Variants in ZNF827 observed in about 807,000 individuals in gnomAD.
ZNF827 encodes zinc finger protein 827.
Under a neutral mutation model 102.4 loss-of-function variants are expected in ZNF827, and 13 were observed. The observed-to-expected ratio is 0.13, with a 90% CI of 0.08 to 0.20. ZNF827 has a LOEUF of 0.20. Among genes scored for constraint, ZNF827 ranks in the 10% least tolerant of loss-of-function variants. The probability of loss-of-function intolerance (pLI) is 1.00; values close to 1 mark genes in which losing one functional copy is unlikely to be tolerated. For synonymous variants in ZNF827, 523 were observed against 536.2 expected (o/e 0.98, Z 0.34); for missense variants, 1,103 against 1,344.4 (o/e 0.82, Z 2.81).
chr4:145,761,633 G>A lies in ZNF827; in HGVS notation c.*18-35C>T, dbSNP rs1290789665. 11 of 1,198,738 alleles carry A rather than the reference G, an allele frequency of 9.2e-6. No individual in the cohort carries two copies. The highest frequency in any genetic ancestry group is 1.4e-5 in the South Asian group (1 of 70,400). The allele number at this position is 1,198,738 out of a possible 1,614,324, so 74.3% of individuals were successfully genotyped here. On this transcript the variant is annotated intron_variant, in intron 14 of 14. Transcript: ENST00000508784. The surrounding 1 kb of genome is among the most constrained non-coding windows in gnomAD (Gnocchi z 6.8). ...AAAGCAACGCAAGGGAGGTTCAGCC[G>A]GGAAGGTTCGGAGGCAGCCGCGCTT...
chr4:145,760,389 C>T lies in ZNF827; in HGVS notation c.*1227G>A, dbSNP rs1734319101. 6.6e-6 allele frequency: 1 copy of T among 152,400 alleles called. No homozygotes were observed. The highest frequency in any genetic ancestry group is 1.5e-5 in the Non-Finnish European group (1 of 68,212). The allele number at this position is 152,400 out of a possible 1,614,324, so 9.4% of individuals were successfully genotyped here. A position where few individuals can be genotyped will look rare whatever the true frequency, so the allele number is the denominator to read the frequency against. On this transcript the variant is annotated 3_prime_UTR_variant, in exon 15 of 15. Coordinates refer to ENST00000508784, the MANE Select transcript of ZNF827 (RefSeq NM_001306215.2). Reference sequence around the variant, plus strand: ...CATTCACCCAACAGAAAACCAAATGCACCAGTATATAAGCTTACAAGTGCT... The same window carrying T: ...CATTCACCCAACAGAAAACCAAATGTACCAGTATATAAGCTTACAAGTGCT...
chr4:145,787,959 T>C (rs1344779659), intron 8 of ZNF827, among the ~76,000 whole-genome samples: 2 of 152,132 alleles, frequency 1.3e-5, no homozygotes, highest in Non-Finnish European at 2.9e-5. Context: ...TTAACAATCA[T>C]TTTTTTCAAA....
chr4:145,931,636 A>G (rs767457516), intron 1 of ZNF827, among the ~76,000 whole-genome samples: 1 of 152,218 alleles, frequency 6.6e-6, no homozygotes, highest in Non-Finnish European at 1.5e-5. Context: ...AATTACCAAT[A>G]CATCACTCAG....
At chr4:145,815,078 A>G (rs1742456577) in intron 8 of ZNF827, among the ~76,000 whole-genome samples, 1 of 152,210 alleles carries the variant, frequency 6.6e-6, no homozygotes, top group Admixed American at 6.5e-5. Flanking sequence ...GCCATCTATT[A>G]AGACAGAAAA....
At chr4:145,884,632 C>T (rs913836232) in intron 4 of ZNF827, among the ~76,000 whole-genome samples, 1 of 152,126 alleles carries the variant, frequency 6.6e-6, no homozygotes, top group Non-Finnish European at 1.5e-5. Context: ...CACACCTTAT[C>T]ATTCCAAAAG....
intron 1 of ZNF827, among the ~76,000 whole-genome samples, chr4:145,938,008 C>T (rs1261557526): frequency 6.7e-6 from 1 of 150,190 alleles, no homozygotes; most frequent in Non-Finnish European, 1.5e-5. Context: ...ATAAAACCCC[C>T]GGCATCCACA....
At chr4:145,823,382 G>T in intron 8 of ZNF827, 40 bp downstream of exon 8, 1 of 1,503,582 alleles carries the variant, frequency 6.7e-7, no homozygotes, top group Non-Finnish European at 9.2e-7. Context: ...TAATTCTTAA[G>T]CAATCAACAG....
intron 8 of ZNF827, among the ~76,000 whole-genome samples, chr4:145,811,077 C>T (rs1317366269): frequency 1.3e-5 from 2 of 151,692 alleles, no homozygotes; most frequent in African/African-American, 2.4e-5. Flanking sequence ...CTGCAACCTC[C>T]GCCTCCTGGG....
intron 1 of ZNF827, among the ~76,000 whole-genome samples, chr4:145,917,698 G>C (rs1266314893): frequency 2.1e-5 from 1 of 48,742 alleles, no homozygotes; most frequent in Non-Finnish European, 3.2e-5. Flanking sequence ...AAGGTAGCTG[G>C]TCAAAAAAAA....
chr4:145,836,026 C>T (rs1199614989), intron 7 of ZNF827, among the ~76,000 whole-genome samples: 3 of 151,714 alleles, frequency 2.0e-5, no homozygotes, highest in East Asian at 1.9e-4. Flanking sequence ...TTCCTTTGCA[C>T]CCTTCATCCC....
At chr4:145,892,186 T>A in intron 3 of ZNF827, 57 bp downstream of exon 3, 2 of 1,546,900 alleles carry the variant, frequency 1.3e-6, no homozygotes, top group Non-Finnish European at 1.8e-6. Context: ...CCAGACCATG[T>A]ACAGAAGCCC....
rs1174930111 is a variant in ZNF827 at position 145,768,858 on chromosome 4, C to CA, written c.2861-3121dup. On this transcript the variant is annotated intron_variant, in intron 11 of 14. Coordinates refer to ENST00000508784, the MANE Select transcript of ZNF827 (RefSeq NM_001306215.2). The stretch of plus-strand genomic sequence containing the variant: ...TGGGTGACAGAGCAAGACTCCGTCT[C>CA]AAAAAAAAAAAAAAAAAAAAAAAAA... 0.093 allele frequency among the ~76,000 whole-genome samples: 423 copies of CA among 4,546 alleles called. 194 individuals carry two copies. The Middle Eastern group carries it at 1, about 11-fold the overall frequency. The allele number at this position is 4,546 out of a possible 152,430, so 3.0% of individuals were successfully genotyped here. A position where few individuals can be genotyped will look rare whatever the true frequency, so the allele number is the denominator to read the frequency against.
At chr4:145,903,596 A>G (rs1751599234) in intron 1 of ZNF827, among the ~76,000 whole-genome samples, 1 of 152,182 alleles carries the variant, frequency 6.6e-6, no homozygotes, top group Admixed American at 6.5e-5. Flanking sequence ...ACAGAATGAG[A>G]GAGGCAGCCT....
At chr4:145,787,103 A>C (rs183064408) in intron 8 of ZNF827, among the ~76,000 whole-genome samples, 3 of 152,154 alleles carry the variant, frequency 2.0e-5, no homozygotes. Context: ...GGACCATTAC[A>C]CTCACCCAAA....
intron 5 of ZNF827, among the ~76,000 whole-genome samples, chr4:145,852,413 A>G (rs1407540918): frequency 6.6e-6 from 1 of 152,236 alleles, no homozygotes; most frequent in Non-Finnish European, 1.5e-5. Flanking sequence ...AGAATGCACA[A>G]AACACTGATC....
intron 8 of ZNF827, among the ~76,000 whole-genome samples, chr4:145,793,898 T>C (rs1019831755): frequency 6.6e-6 from 1 of 152,158 alleles, no homozygotes; most frequent in Admixed American, 6.5e-5. Flanking sequence ...ACTTGAGATG[T>C]GGATAAGCTA....
At position 145,761,160 on chromosome 4, in the gene ZNF827, C is replaced by T. The variant is rs1239214019; in HGVS notation, c.*456G>A. The T allele has an allele frequency of 7.8e-7, 1 of 1,289,744 alleles. No individual in the cohort carries two copies. The highest frequency in any genetic ancestry group is 1.0e-6 in the Non-Finnish European group (1 of 988,886). 79.9% of individuals were successfully genotyped at this position (1,289,744 alleles called of 1,614,324 possible). A position where few individuals can be genotyped will look rare whatever the true frequency, so the allele number is the denominator to read the frequency against. On this transcript the variant is annotated 3_prime_UTR_variant, in exon 15 of 15. Coordinates refer to ENST00000508784, the MANE Select transcript of ZNF827 (RefSeq NM_001306215.2). The surrounding 1 kb of genome is among the most constrained non-coding windows in gnomAD (Gnocchi z 6.8). ...CGGCCGGTTCCTTGGGGGCTGGACA[C>T]AGGCCCTTCTTGTCCTCCTCGGGGC...
chr4:145,888,608 G>A (rs1016323710), intron 3 of ZNF827, among the ~76,000 whole-genome samples: 2 of 152,234 alleles, frequency 1.3e-5, no homozygotes, highest in Admixed American at 6.5e-5. Context: ...GGGGACAGGT[G>A]AGGGCCTTCA....
At chr4:145,785,665 A>T (rs770033940) in intron 8 of ZNF827, among the ~76,000 whole-genome samples, 4 of 152,156 alleles carry the variant, frequency 2.6e-5, no homozygotes, top group Non-Finnish European at 5.9e-5. Flanking sequence ...TTTATATATA[A>T]GGGAACTGAG....
Sources: allele counts gnomAD v4.1 joint callset (sites outside exome capture counted in the v4.1 genomes callset), GRCh38; gene constraint gnomAD v4.1.1; non-coding constraint Gnocchi (gnomAD v3.1); transcripts MANE v1.5; gene names NCBI Gene and HGNC (gene_info 2026-07-23, HGNC 2026-07-21).